The following UNC13C variants were observed in gnomAD, a reference collection of about 807,000 sequenced individuals.
The protein encoded by UNC13C is unc-13 homolog C, also known as protein unc-13 homolog C.
A neutral mutation model predicts 245.4 loss-of-function variants in UNC13C; 174 were observed. The ratio of observed to expected loss-of-function variants is 0.71; its 90% confidence interval spans 0.63 to 0.80. The LOEUF is 0.80. UNC13C is among the 30% of genes least tolerant of loss of function. The pLI is 0.00. For missense variants in UNC13C, 2,829 were observed against 2,602.9 expected, an observed-to-expected ratio of 1.09 and a Z score of -1.89; for synonymous variants, 992 against 895.1, an observed-to-expected ratio of 1.11 and a Z score of -1.93.
chr15:53,967,289 C>G, the UNC13C span, among the ~76,000 whole-genome samples: 1 of 151,098 alleles, frequency 6.6e-6, no homozygotes, highest in Non-Finnish European at 1.5e-5. Context: ...TTGCTACTTA[C>G]TTTTTTATAA....
At chr15:54,418,536 C>G (rs2040568227) in intron 19 of UNC13C, among the ~76,000 whole-genome samples, 1 of 152,070 alleles carries the variant, frequency 6.6e-6, no homozygotes, top group South Asian at 2.1e-4. Flanking sequence ...TTATGAGCAC[C>G]TGGTGCATTT....
intron 19 of UNC13C, among the ~76,000 whole-genome samples, chr15:54,485,334 T>C (rs957926248): frequency 2.6e-4 from 40 of 152,354 alleles, no homozygotes; most frequent in Non-Finnish European, 2.6e-4. Flanking sequence ...ATACAAAATT[T>C]CAATAAGTTA....
At chr15:54,071,817 A>G (rs1350106459) in intron 2 of UNC13C, among the ~76,000 whole-genome samples, 1 of 152,180 alleles carries the variant, frequency 6.6e-6, no homozygotes, top group Non-Finnish European at 1.5e-5. Context: ...AACAGAGACT[A>G]CATGTTCCTC....
chr15:54,581,210 T>C (rs535355007), intron 30 of UNC13C, among the ~76,000 whole-genome samples: 3 of 152,016 alleles, frequency 2.0e-5, no homozygotes, highest in Admixed American at 2.0e-4. Flanking sequence ...TTCAAGAAGA[T>C]GTGGGTCTCA....
intron 26 of UNC13C, among the ~76,000 whole-genome samples, chr15:54,543,592 A>T (rs1896343771): frequency 6.6e-6 from 1 of 152,176 alleles, no homozygotes; most frequent in African/African-American, 2.4e-5. Context: ...AATAGATACA[A>T]TAAAAAATGA....
chr15:54,117,074 T>C (rs180992089), intron 2 of UNC13C, among the ~76,000 whole-genome samples: 62 of 152,320 alleles, frequency 4.1e-4, no homozygotes, highest in African/African-American at 1.4e-3. Flanking sequence ...TTTTGATAAA[T>C]GGCTATTCAG....
intron 2 of UNC13C, among the ~76,000 whole-genome samples, chr15:54,138,863 C>T (rs1360511331): frequency 6.6e-6 from 1 of 151,172 alleles, no homozygotes; most frequent in Non-Finnish European, 1.5e-5. Flanking sequence ...AGGCCTCTCC[C>T]CAAGTTTCTG....
intron 10 of UNC13C, among the ~76,000 whole-genome samples, chr15:54,283,196 C>G (rs1426401123): frequency 1.3e-5 from 2 of 152,140 alleles, no homozygotes; most frequent in Non-Finnish European, 2.9e-5. Flanking sequence ...TCACCTGCTA[C>G]ACAACCCTAT....
rs575625152 is a variant in UNC13C at position 54,134,665 on chromosome 15, G to A, written c.2984-8353G>A. Among the ~76,000 whole-genome samples, 113 of 151,838 alleles carry A rather than the reference G, an allele frequency of 7.4e-4. 2 individuals carry two copies. The South Asian group carries it at 0.019, about 26-fold the overall frequency. On this transcript the variant is annotated intron_variant, in intron 2 of 32. Coordinates refer to ENST00000260323, the MANE Select transcript of UNC13C (RefSeq NM_001080534.3). ...CTCCCGAGTAGCTGAGACTACAGGC[G>A]CCAGCCACCACGCCTGGCTAATTTT...
At chr15:54,464,483 A>G (rs753606748) in intron 19 of UNC13C, among the ~76,000 whole-genome samples, 9 of 152,266 alleles carry the variant, frequency 5.9e-5, no homozygotes, top group Non-Finnish European at 1.2e-4. Context: ...TTGACTGTAC[A>G]TAAAACATCA....
chr15:53,893,326 G>A, the UNC13C span, among the ~76,000 whole-genome samples: 1 of 152,162 alleles, frequency 6.6e-6, no homozygotes, highest in Non-Finnish European at 1.5e-5. Flanking sequence ...CAGGATACAC[G>A]GGGGTCAGGG....
intron 2 of UNC13C, among the ~76,000 whole-genome samples, chr15:54,093,543 T>A (rs1319794318): frequency 6.6e-6 from 1 of 152,244 alleles, no homozygotes; most frequent in African/African-American, 2.4e-5. Flanking sequence ...CATCTTTTAT[T>A]TTTAAATGAA....
chr15:54,043,844 C>T (rs1896914454), intron 2 of UNC13C, among the ~76,000 whole-genome samples: 2 of 152,176 alleles, frequency 1.3e-5, no homozygotes. Flanking sequence ...TATTAAAGAC[C>T]ATTTCCCTTT....
At chr15:54,026,864 A>G (rs1896132009) in intron 2 of UNC13C, among the ~76,000 whole-genome samples, 1 of 152,232 alleles carries the variant, frequency 6.6e-6, no homozygotes. Context: ...GGGATATAGC[A>G]GTGACAAATC....
chr15:54,390,296 G>A (rs1596316815), intron 17 of UNC13C, among the ~76,000 whole-genome samples: 1 of 152,060 alleles, frequency 6.6e-6, no homozygotes, highest in South Asian at 2.1e-4. Flanking sequence ...GTGATATCAT[G>A]AAAGTGTAAT....
At chr15:54,614,733 C>T (rs1900317727) in intron 30 of UNC13C, among the ~76,000 whole-genome samples, 1 of 151,858 alleles carries the variant, frequency 6.6e-6, no homozygotes, top group South Asian at 2.1e-4. Context: ...TCTTCCTTTT[C>T]TTCTTGGATA....
chr15:54,394,517 G>A (rs190564728), intron 18 of UNC13C, among the ~76,000 whole-genome samples: 3 of 151,860 alleles, frequency 2.0e-5, no homozygotes, highest in East Asian at 2.0e-4. Context: ...CAGCTTTGTA[G>A]AATAGAGTTG....
intron 2 of UNC13C, among the ~76,000 whole-genome samples, chr15:54,028,641 GCA>G (rs1251104252): frequency 1.3e-5 from 2 of 148,850 alleles, no homozygotes; most frequent in East Asian, 2.0e-4. Context: ...ACTCAGCCAA[GCA>G]CAGTGGTTAA....
chr15:54,008,625 G>A (rs911626428), intron 1 of UNC13C, among the ~76,000 whole-genome samples: 11 of 152,146 alleles, frequency 7.2e-5, no homozygotes, highest in African/African-American at 2.7e-4. Flanking sequence ...TTGAGATGAT[G>A]TTATCTTTGC....
Sources: gnomAD v4.1 joint callset for allele counts (sites outside exome capture counted in the v4.1 genomes callset) on GRCh38, gnomAD v4.1.1 for gene constraint, MANE v1.5 for transcripts, NCBI Gene and HGNC (gene_info 2026-07-23, HGNC 2026-07-21) for gene names.